Variants in DISP1 observed in about 807,000 individuals in gnomAD.
The protein encoded by DISP1 is protein dispatched homolog 1.
Under a neutral mutation model 37.3 loss-of-function variants are expected in DISP1, and 30 were observed. That is an observed-to-expected ratio of 0.80 (90% CI 0.60 to 1.09). The LOEUF (loss-of-function observed/expected upper bound fraction) is 1.09. Ranked by LOEUF, DISP1 falls within the 50% of genes least tolerant of loss-of-function variation. DISP1 has a pLI of 0.00. For missense variants in DISP1, 1,598 were observed against 1,879.5 expected, an observed-to-expected ratio of 0.85 and a Z score of 2.77; for synonymous variants, 634 against 690.2, an observed-to-expected ratio of 0.92 and a Z score of 1.28.
At chr1:222,969,394 A>G (rs918243569) in intron 3 of DISP1, among the ~76,000 whole-genome samples, 1 of 149,984 alleles carries the variant, frequency 6.7e-6, no homozygotes, top group African/African-American at 2.4e-5. Flanking sequence ...AAAATTACAA[A>G]GAAAAATACA....
chr1:222,858,574 C>G (rs1668687896), intron 1 of DISP1, among the ~76,000 whole-genome samples: 1 of 152,062 alleles, frequency 6.6e-6, no homozygotes, highest in Non-Finnish European at 1.5e-5. Flanking sequence ...TTTTTGCACT[C>G]TATCCATCTG....
chr1:222,966,219 G>T (rs1676477338), intron 3 of DISP1, among the ~76,000 whole-genome samples: 1 of 152,096 alleles, frequency 6.6e-6, no homozygotes, highest in African/African-American at 2.4e-5. Context: ...ATTCAGGTGG[G>T]AACTCAAACT....
intron 1 of DISP1, among the ~76,000 whole-genome samples, chr1:222,825,774 A>AT (rs1664229083): frequency 6.6e-6 from 1 of 152,150 alleles, no homozygotes; most frequent in Non-Finnish European, 1.5e-5. Flanking sequence ...AAGTGCTGGG[A>AT]TTATAGGCAT....
chr1:222,824,412 A>AT (rs1663762812), intron 1 of DISP1, among the ~76,000 whole-genome samples: 1 of 150,282 alleles, frequency 6.7e-6, no homozygotes, highest in Non-Finnish European at 1.5e-5. Context: ...GGTGGAGCTT[A>AT]TTTTAAAGCC....
At chr1:222,896,573 C>T (rs1381922804) in intron 1 of DISP1, among the ~76,000 whole-genome samples, 1 of 150,612 alleles carries the variant, frequency 6.6e-6, no homozygotes, top group Non-Finnish European at 1.5e-5. Context: ...TGCACTTCAG[C>T]CTGGGTGACA....
Position 222,905,565 on chromosome 1 carries a change from A to G in DISP1, c.-158-22865A>G, listed in dbSNP as rs971080266. Among the ~76,000 whole-genome samples, 11 of 152,202 alleles carry G rather than the reference A, an allele frequency of 7.2e-5. No homozygotes were observed. The East Asian group carries it at 2.1e-3, about 29-fold the overall frequency. On this transcript the variant is annotated intron_variant, in intron 1 of 8. Transcript: ENST00000675850. Reference sequence around the variant, plus strand: ...CGAGGAAATTCAAACTTCTTATAAGACTATTTCTTATTTATAATTTATACT... The same window carrying G: ...CGAGGAAATTCAAACTTCTTATAAGGCTATTTCTTATTTATAATTTATACT...
At chr1:222,856,705 CGT>C (rs1491219086) in intron 1 of DISP1, among the ~76,000 whole-genome samples, 6 of 136,372 alleles carry the variant, frequency 4.4e-5, no homozygotes, top group African/African-American at 1.6e-4. Context: ...TATTATAATT[CGT>C]TTTTTTTTTT....
intron 4 of DISP1, among the ~76,000 whole-genome samples, chr1:222,985,295 G>A (rs1425713957): frequency 6.6e-6 from 1 of 152,070 alleles, no homozygotes; most frequent in East Asian, 1.9e-4. Context: ...TTCCCACCTT[G>A]GCTGGAACTT....
chr1:222,954,078 C>A (rs904627002), intron 3 of DISP1, among the ~76,000 whole-genome samples: 35 of 150,516 alleles, frequency 2.3e-4, no homozygotes, highest in African/African-American at 8.6e-4. Context: ...AGGTTTTTTT[C>A]TTTTTGGTTA....
chr1:222,831,558 A>G (rs17163514), intron 1 of DISP1, among the ~76,000 whole-genome samples: 7 of 152,140 alleles, frequency 4.6e-5, no homozygotes, highest in African/African-American at 1.7e-4. Context: ...GTTTTTTGTC[A>G]TTACTTTTAA....
intron 1 of DISP1, among the ~76,000 whole-genome samples, chr1:222,903,119 C>G (rs1025835108): frequency 6.6e-6 from 1 of 151,438 alleles, no homozygotes. Flanking sequence ...TACTATGCAG[C>G]GATAAAAAAT....
intron 1 of DISP1, among the ~76,000 whole-genome samples, chr1:222,861,679 A>G (rs1419170018): frequency 5.9e-5 from 9 of 152,172 alleles, no homozygotes; most frequent in Non-Finnish European, 1.2e-4. Context: ...GTTATTTCTG[A>G]TTATTAGCAT....
chr1:222,876,928 A>T (rs1421075274), intron 1 of DISP1, among the ~76,000 whole-genome samples: 1 of 152,234 alleles, frequency 6.6e-6, no homozygotes, highest in Non-Finnish European at 1.5e-5. Flanking sequence ...GAAAGACTAC[A>T]TGGTTATTCA....
In DISP1 at chr1:223,002,242, T is replaced by C. The variant is rs983104848; in HGVS notation, c.988-143T>C. Reference sequence around the variant, plus strand: ...GGGAAATTTCACCCTGTATTCAAACTGATTCCTAGTTTAAGTGGATAATTA... The same window carrying C: ...GGGAAATTTCACCCTGTATTCAAACCGATTCCTAGTTTAAGTGGATAATTA... On this transcript the variant is annotated intron_variant, in intron 8 of 8. Coordinates refer to ENST00000675850, the MANE Select transcript of DISP1 (RefSeq NM_001377229.1). 1.9e-5 allele frequency: 16 copies of C among 830,636 alleles called. No individual in the cohort carries two copies. The Admixed American group carries it at 2.4e-4, about 13-fold the overall frequency. The allele number at this position is 830,636 out of a possible 1,614,324, so 51.5% of individuals were successfully genotyped here. A position where few individuals can be genotyped will look rare whatever the true frequency, so the allele number is the denominator to read the frequency against.
At chr1:222,965,831 T>G (rs569052134) in intron 3 of DISP1, among the ~76,000 whole-genome samples, 1 of 152,282 alleles carries the variant, frequency 6.6e-6, no homozygotes, top group East Asian at 1.9e-4. Context: ...TATTTAAATA[T>G]TCTATCAAGC....
intron 1 of DISP1, among the ~76,000 whole-genome samples, chr1:222,887,763 G>C: frequency 9.3e-6 from 1 of 107,838 alleles, no homozygotes; most frequent in South Asian, 3.0e-4. Context: ...CTCCCAAAGT[G>C]CTGGGATTAC....
chr1:222,930,060 A>G (rs2609404), intron 2 of DISP1, among the ~76,000 whole-genome samples: 40,593 of 151,836 alleles, frequency 0.27, 5,608 homozygotes, highest in South Asian at 0.48. Flanking sequence ...AGTCTGGGAA[A>G]TATGTATTAT....
chr1:223,003,962 A>C lies in DISP1; in HGVS notation c.2565A>C (p.Thr855=), dbSNP rs1316829548. The change falls in exon 9 of 9, where the codon ACA becomes ACC. Residue 855 remains threonine, a synonymous_variant. Transcript: ENST00000675850. The surrounding 1 kb of genome is among the most constrained non-coding windows in gnomAD (Gnocchi z 4.3). The stretch of plus-strand genomic sequence containing the variant: ...ACTTCACCAGCTGCTTCATTGAGAC[A>C]TTCAAACAGTGGATGGAAAACCAGG... The part of the protein sequence containing the change: ...EQDFTSCFIE[T]FKQWMENQDC... 1.2e-6 allele frequency: 2 copies of C among 1,614,156 alleles called. No homozygotes were observed. Among genetic ancestry groups the C allele is most frequent in the African/African-American group, 1.3e-5 (1 of 75,036 alleles).
chr1:222,865,856 T>C (rs891148183), intron 1 of DISP1, among the ~76,000 whole-genome samples: 1 of 152,194 alleles, frequency 6.6e-6, no homozygotes, highest in African/African-American at 2.4e-5. Context: ...TTGGCATATT[T>C]CCCAAATTGT....
Sources: gnomAD v4.1 joint callset for allele counts (sites outside exome capture counted in the v4.1 genomes callset) on GRCh38, gnomAD v4.1.1 for gene constraint, Gnocchi (gnomAD v3.1) non-coding constraint, MANE v1.5 for transcripts, NCBI Gene and HGNC (gene_info 2026-07-23, HGNC 2026-07-21) for gene names.